The following TRAPPC6A variants were observed in gnomAD, a reference collection of about 807,000 sequenced individuals.
TRAPPC6A encodes the protein trafficking protein particle complex subunit 6A.
TRAPPC6A carries 25 observed loss-of-function variants against 20.8 expected under a neutral mutation model. The ratio of observed to expected loss-of-function variants is 1.20; its 90% CI spans 0.88 to 1.68. TRAPPC6A has a LOEUF of 1.68. Ranked by LOEUF, TRAPPC6A falls within the 40% of genes most tolerant of loss-of-function variation. The probability of loss-of-function intolerance (pLI) is 0.00; values close to 1 mark genes in which losing one functional copy is unlikely to be tolerated. For missense variants in TRAPPC6A, 215 were observed against 211.6 expected (o/e 1.02, Z -0.10); for synonymous variants, 96 against 93.3 (o/e 1.03, Z -0.16).
chr19:45,177,469 T>C (rs571398908), intron 1 of TRAPPC6A, among the ~76,000 whole-genome samples: 234 of 152,050 alleles, frequency 1.5e-3, no homozygotes, highest in Non-Finnish European at 2.6e-3. Flanking sequence ...GCCTCCCGAG[T>C]AGCTGGGATT....
Position 45,167,993 on chromosome 19 carries a change from CTTTT to C in TRAPPC6A, c.85-2803_85-2800del, listed in dbSNP as rs968943946. 4.8e-3 allele frequency among the ~76,000 whole-genome samples: 479 copies of C among 99,920 alleles called. 1 individual carries two copies. Among genetic ancestry groups the C allele is most frequent in the African/African-American group, 0.017 (430 of 24,760 alleles). 65.6% of individuals were successfully genotyped at this position (99,920 alleles called of 152,430 possible). A position where few individuals can be genotyped will look rare whatever the true frequency, so the allele number is the denominator to read the frequency against. On this transcript the variant is annotated intron_variant, in intron 1 of 5. Transcript: ENST00000585934. ...AGCCCAGGCAACAGCAAGACCCTGT[CTTTT>C]TTTTTTTTTTTTTTTTTTTTTTTGA...
At chr19:45,169,168 T>C (rs1373165069) in intron 1 of TRAPPC6A, among the ~76,000 whole-genome samples, 1 of 152,194 alleles carries the variant, frequency 6.6e-6, no homozygotes, top group African/African-American at 2.4e-5. Context: ...GGGTCCTTCA[T>C]GGCAGCACTA....
intron 1 of TRAPPC6A, among the ~76,000 whole-genome samples, chr19:45,166,159 G>A (rs1281577561): frequency 6.6e-6 from 1 of 152,190 alleles, no homozygotes; most frequent in African/African-American, 2.4e-5. Flanking sequence ...CAATCTGCCC[G>A]CCTCGGCCTT....
chr19:45,178,110 C>T, intron 1 of TRAPPC6A, 25 bp downstream of exon 1: 3 of 1,612,988 alleles, frequency 1.9e-6, no homozygotes, highest in Non-Finnish European at 2.5e-6. Flanking sequence ...GCCCCCGCTT[C>T]CTCCCCACGG....
chr19:45,176,688 G>A (rs1270951012), intron 1 of TRAPPC6A, among the ~76,000 whole-genome samples: 3 of 152,094 alleles, frequency 2.0e-5, no homozygotes, highest in African/African-American at 7.2e-5. Context: ...ATGGTAACAA[G>A]CAACATCCTC....
rs1402955935 is a variant in TRAPPC6A at position 45,163,161 on chromosome 19, A to G, written c.*31T>C. ...TCCTGAGGCCGGTGAGGCCAGGGGC[A>G]GCAGTGCGGCTCAGCAGGTGCGAGG... On this transcript the variant is annotated 3_prime_UTR_variant, in exon 6 of 6. Transcript: ENST00000585934. This position sits in a 1 kb window ranked among gnomAD's most constrained non-coding sequence, Gnocchi z 5.3. The G allele has an allele frequency of 6.2e-7, 1 of 1,613,710 alleles. No individual in the cohort carries two copies. The highest frequency in any genetic ancestry group is 1.1e-5 in the South Asian group (1 of 91,078).
At chr19:45,164,345 T>G in intron 3 of TRAPPC6A, 98 bp from the exon 4 acceptor site, 2 of 797,506 alleles carry the variant, frequency 2.5e-6, no homozygotes, top group Non-Finnish European at 2.0e-6. Flanking sequence ...GGGCTGAGGT[T>G]GGGAAGGCCC....
intron 1 of TRAPPC6A, 73 bp from the exon 2 acceptor site, chr19:45,165,267 G>C (rs1260686231): frequency 2.1e-6 from 3 of 1,446,796 alleles, no homozygotes; most frequent in Non-Finnish European, 2.8e-6. Context: ...GGGGGGACCT[G>C]CCAGGGGACC....
intron 1 of TRAPPC6A, 60 bp from the exon 2 acceptor site, chr19:45,165,254 CA>C (rs540042198): frequency 1.9e-5 from 29 of 1,515,618 alleles, no homozygotes; most frequent in African/African-American, 8.3e-5. Flanking sequence ...CGGGGCCACC[CA>C]GGGGGGGACC....
intron 1 of TRAPPC6A, among the ~76,000 whole-genome samples, chr19:45,167,287 A>T (rs1362420540): frequency 1.3e-5 from 2 of 152,232 alleles, no homozygotes; most frequent in African/African-American, 4.8e-5. Flanking sequence ...AAGCAAAATG[A>T]CATATGATGA....
Position 45,172,354 on chromosome 19 carries a change from C to T in TRAPPC6A, c.84+5781G>A, listed in dbSNP as rs531975068. ...ATTCTGCCCTGAACTGGGAGGGAGG[C>T]GGGTGGGGGCCATGTGCTCCACCCC... On this transcript the variant is annotated intron_variant, in intron 1 of 5. Transcript: ENST00000585934. The surrounding 1 kb of genome is among the most constrained non-coding windows in gnomAD (Gnocchi z 4.2). 1.2e-4 allele frequency among the ~76,000 whole-genome samples: 18 copies of T among 151,644 alleles called. No individual in the cohort carries two copies. The South Asian group carries it at 3.7e-3, about 31-fold the overall frequency.
At position 45,163,912 on chromosome 19, in the gene TRAPPC6A, TCA is replaced by T; in HGVS notation, c.448+2_448+3del. The T allele has an allele frequency of 6.4e-7, 1 of 1,552,178 alleles. No homozygotes were observed. The highest frequency in any genetic ancestry group is 8.8e-7 in the Non-Finnish European group (1 of 1,142,016). ...GAAGAATCCCCCCACCCCCCATGAC[TCA>T]CAGACGGGCAGGGCTGCCACGGAGG... On this transcript the variant is annotated splice_donor_variant and splice_donor_region_variant and intron_variant, in intron 5 of 5. Coordinates refer to ENST00000585934, the MANE Select transcript of TRAPPC6A (RefSeq NM_001270891.2). LOFTEE classifies it high-confidence loss of function. The surrounding 1 kb of genome is among the most constrained non-coding windows in gnomAD (Gnocchi z 5.3).
At chr19:45,177,203 A>ACACG (rs1159371476) in intron 1 of TRAPPC6A, among the ~76,000 whole-genome samples, 2 of 149,300 alleles carry the variant, frequency 1.3e-5, no homozygotes, top group Admixed American at 1.3e-4. Context: ...ACACACACAC[A>ACACG]CACACACACA....
chr19:45,170,900 G>A (rs1228374212), intron 1 of TRAPPC6A, among the ~76,000 whole-genome samples: 1 of 152,268 alleles, frequency 6.6e-6, no homozygotes, highest in Non-Finnish European at 1.5e-5. Context: ...AAGAAAGGGC[G>A]GAGGAGGAAG....
intron 3 of TRAPPC6A, 43 bp from the exon 4 acceptor site, chr19:45,164,290 C>T (rs1969093488): frequency 2.2e-6 from 3 of 1,363,352 alleles, no homozygotes; most frequent in South Asian, 1.3e-5. Context: ...GGGGCCTGTA[C>T]ATTTGAAGCG....
chr19:45,165,287 AC>A, intron 1 of TRAPPC6A, 93 bp from the exon 2 acceptor site: 1 of 1,216,482 alleles, frequency 8.2e-7, no homozygotes, highest in South Asian at 1.3e-5. Context: ...CCAAAGACCA[AC>A]TTGCTGGTGC....
Position 45,173,702 on chromosome 19 carries a change from G to C in TRAPPC6A, c.84+4433C>G, listed in dbSNP as rs1334931304. Reference sequence around the variant, plus strand: ...TTGGGCCAAAGAGAAGGAATGGAGAGAGGAGGTGGGGCCAATAAAGAGAAA... The same window carrying C: ...TTGGGCCAAAGAGAAGGAATGGAGACAGGAGGTGGGGCCAATAAAGAGAAA... On this transcript the variant is annotated intron_variant, in intron 1 of 5. Transcript: ENST00000585934. The surrounding 1 kb of genome is among the most constrained non-coding windows in gnomAD (Gnocchi z 4.8). Among the ~76,000 whole-genome samples the C allele has an allele frequency of 6.6e-6, 1 of 152,210 alleles. No individual in the cohort carries two copies. Among genetic ancestry groups the C allele is most frequent in the East Asian group, 1.9e-4 (1 of 5,202 alleles).
intron 1 of TRAPPC6A, among the ~76,000 whole-genome samples, chr19:45,167,310 G>A (rs899159221): frequency 6.6e-6 from 1 of 152,170 alleles, no homozygotes; most frequent in Non-Finnish European, 1.5e-5. Context: ...CCAATTTCAC[G>A]CAGGTTAATT....
rs183303820 is a variant in TRAPPC6A, at chr19:45,170,404, T to A, written c.85-5210A>T. On this transcript the variant is annotated intron_variant, in intron 1 of 5. Coordinates refer to ENST00000585934, the MANE Select transcript of TRAPPC6A (RefSeq NM_001270891.2). ...CCCCTAGGAAGCACCCCGACTGTGCTGAGCCTGAGGGAAGAGGGGGAGTTC... is the reference window on the plus strand; with the variant it reads ...CCCCTAGGAAGCACCCCGACTGTGCAGAGCCTGAGGGAAGAGGGGGAGTTC... 2.0e-4 allele frequency among the ~76,000 whole-genome samples: 31 copies of A among 152,264 alleles called. 1 individual carries two copies. Among genetic ancestry groups the A allele is most frequent in the Admixed American group, 9.2e-4 (14 of 15,296 alleles).
Sources: allele counts gnomAD v4.1 joint callset (sites outside exome capture counted in the v4.1 genomes callset), GRCh38; gene constraint gnomAD v4.1.1; non-coding constraint Gnocchi (gnomAD v3.1); transcripts MANE v1.5; gene names NCBI Gene and HGNC (gene_info 2026-07-23, HGNC 2026-07-21).